Variants in CEP170 observed in about 807,000 individuals in gnomAD.
The protein encoded by CEP170 is centrosomal protein 170, also known as centrosomal protein of 170 kDa.
In CEP170, 21 loss-of-function variants were observed where a neutral mutation model predicts 151.9. The ratio of observed to expected loss-of-function variants is 0.14; its 90% CI spans 0.10 to 0.20. The LOEUF (loss-of-function observed/expected upper bound fraction) is 0.20, where lower values mean the gene tolerates loss of function less well. Among genes scored for constraint, CEP170 ranks in the 10% least tolerant of loss-of-function variants. CEP170 has a pLI of 1.00. For missense variants in CEP170, 964 were observed against 1,892.9 expected (o/e 0.51, Z 9.11); for synonymous variants, 356 against 648.8 (o/e 0.55, Z 6.86).
intron 1 of CEP170, among the ~76,000 whole-genome samples, chr1:243,226,214 TAG>T (rs1163239239): frequency 5.9e-4 from 86 of 145,174 alleles, no homozygotes; most frequent in Admixed American, 2.3e-3. Context: ...TATATATCTA[TAG>T]AGAGATAGAC....
intron 1 of CEP170, among the ~76,000 whole-genome samples, chr1:243,242,298 A>G (rs1349229805): frequency 6.6e-6 from 1 of 151,970 alleles, no homozygotes; most frequent in Non-Finnish European, 1.5e-5. Context: ...TGCTCAATAC[A>G]AGCTCCACCT....
In CEP170 at chr1:243,185,651, C is replaced by G. The variant is rs2059894989; in HGVS notation, c.1566+128G>C. 3 of 1,378,818 alleles carry G rather than the reference C, an allele frequency of 2.2e-6. No individual in the cohort carries two copies. The highest frequency in any genetic ancestry group is 2.9e-6 in the Non-Finnish European group (3 of 1,017,706). 85.4% of individuals were successfully genotyped at this position (1,378,818 alleles called of 1,614,324 possible). On this transcript the variant is annotated intron_variant, in intron 10 of 19. Transcript: ENST00000366542. The surrounding 1 kb of genome is among the most constrained non-coding windows in gnomAD (Gnocchi z 4.9). ...TCTTACTGTTAAGTCTTGCAGTTCC[C>G]TAACAAAACCCTAAAATTCACATAC... is the stretch of plus-strand genomic sequence containing the variant.
At chr1:243,159,969 A>C (rs1191936745) in intron 13 of CEP170, among the ~76,000 whole-genome samples, 1 of 152,082 alleles carries the variant, frequency 6.6e-6, no homozygotes, top group East Asian at 1.9e-4. Flanking sequence ...TTGTAGTTTT[A>C]GTAGAGACGG....
rs1184560892 is a variant in CEP170, at chr1:243,166,179, C to T, written c.1844-63G>A. On this transcript the variant is annotated intron_variant, in intron 12 of 19. Transcript: ENST00000366542. ...ACAAATAAAATAAAAATAAAAGGAG[C>T]ATCATACAGTTGTCTGTCAGTATCC... is the stretch of plus-strand genomic sequence containing the variant. 2.6e-6 allele frequency: 4 copies of T among 1,554,020 alleles called. No homozygotes were observed. In the African/African-American group the frequency reaches 5.5e-5, roughly 21 times the overall value.
chr1:243,137,463 T>C (rs2055231418), intron 16 of CEP170, among the ~76,000 whole-genome samples: 1 of 152,140 alleles, frequency 6.6e-6, no homozygotes, highest in Non-Finnish European at 1.5e-5. Flanking sequence ...TCACATAAAT[T>C]TTGGGACTCA....
chr1:243,169,419 C>T (rs1226962497), intron 12 of CEP170: 2 of 845,634 alleles, frequency 2.4e-6, no homozygotes, highest in African/African-American at 1.7e-5. Context: ...CAGCCTTTTA[C>T]TTATAAAATG....
intron 13 of CEP170, among the ~76,000 whole-genome samples, chr1:243,159,479 C>G (rs1310536517): frequency 6.6e-6 from 1 of 152,190 alleles, no homozygotes; most frequent in Admixed American, 6.5e-5. Flanking sequence ...GCTACCTAAC[C>G]TTTTTTCTTC....
intron 7 of CEP170, among the ~76,000 whole-genome samples, chr1:243,195,443 T>C (rs1247381451): frequency 1.3e-5 from 2 of 151,978 alleles, no homozygotes; most frequent in Non-Finnish European, 2.9e-5. Flanking sequence ...AAGTAAGTAT[T>C]TGCTTAAACC....
Position 243,185,744 on chromosome 1 carries a change from A to G in CEP170, c.1566+35T>C, listed in dbSNP as rs1235749747. On this transcript the variant is annotated intron_variant, in intron 10 of 19. Coordinates refer to ENST00000366542, the MANE Select transcript of CEP170 (RefSeq NM_014812.3). This position sits in a 1 kb window ranked among gnomAD's most constrained non-coding sequence, Gnocchi z 4.9. ...TTCCACCAGTCAAATACACCACACA[A>G]CAACTAAGATCACACTCAAATTTCA... The G allele has an allele frequency of 6.5e-7, 1 of 1,549,718 alleles. No homozygotes were observed. The highest frequency in any genetic ancestry group is 1.3e-5 in the South Asian group (1 of 78,422).
At chr1:243,144,248 C>T (rs879181180) in intron 14 of CEP170, among the ~76,000 whole-genome samples, 1 of 152,190 alleles carries the variant, frequency 6.6e-6, no homozygotes, top group Admixed American at 6.5e-5. Flanking sequence ...TTAATTCCCA[C>T]AACCACTCTG....
intron 12 of CEP170, chr1:243,168,328 T>A (rs2058588520): frequency 6.6e-6 from 1 of 152,012 alleles, no homozygotes; most frequent in African/African-American, 2.4e-5. Flanking sequence ...CAAATTTCCA[T>A]TTTCAACCGG....
intron 1 of CEP170, among the ~76,000 whole-genome samples, chr1:243,229,920 A>G (rs2063580075): frequency 6.6e-6 from 1 of 152,240 alleles, no homozygotes; most frequent in South Asian, 2.1e-4. Context: ...CATTATAACA[A>G]AAACTACACA....
chr1:243,196,694 T>C (rs1253137180), intron 7 of CEP170, among the ~76,000 whole-genome samples: 2 of 152,114 alleles, frequency 1.3e-5, no homozygotes, highest in East Asian at 3.8e-4. Flanking sequence ...AATTGGTAAA[T>C]CTTTCCCCCT....
At chr1:243,203,201 T>C (rs866307017) in intron 4 of CEP170, among the ~76,000 whole-genome samples, 2 of 152,174 alleles carry the variant, frequency 1.3e-5, no homozygotes, top group Non-Finnish European at 2.9e-5. Flanking sequence ...GTAGCTATTT[T>C]TAACTTGCTA....
At chr1:243,239,792 C>A (rs968553190) in intron 1 of CEP170, among the ~76,000 whole-genome samples, 2 of 152,154 alleles carry the variant, frequency 1.3e-5, no homozygotes, top group African/African-American at 2.4e-5. Flanking sequence ...AAAATATATT[C>A]ATTTTTGTCT....
chr1:243,229,395 C>T (rs142236201), intron 1 of CEP170, among the ~76,000 whole-genome samples: 18 of 151,730 alleles, frequency 1.2e-4, no homozygotes, highest in Middle Eastern at 3.2e-3. Flanking sequence ...CATTACGTTT[C>T]GGCATTTCAG....
At chr1:243,249,972 G>A (rs916047065) in intron 1 of CEP170, among the ~76,000 whole-genome samples, 16 of 152,188 alleles carry the variant, frequency 1.1e-4, no homozygotes, top group Admixed American at 7.9e-4. Flanking sequence ...TCGGGAGGCC[G>A]AGGCAGGGGA....
intron 7 of CEP170, 92 bp from the exon 8 acceptor site, chr1:243,191,586 A>C: frequency 1.0e-6 from 1 of 974,360 alleles, no homozygotes; most frequent in South Asian, 1.7e-5. Context: ...ACTCCGTGAG[A>C]ACCAGAAGGC....
chr1:243,253,655 T>G (rs936885513), intron 1 of CEP170, among the ~76,000 whole-genome samples: 4 of 152,194 alleles, frequency 2.6e-5, no homozygotes, highest in African/African-American at 9.7e-5. Context: ...CAGTTAGGGT[T>G]ATACCAGTGA....
Sources: gnomAD v4.1 joint callset for allele counts (sites outside exome capture counted in the v4.1 genomes callset) on GRCh38, gnomAD v4.1.1 for gene constraint, Gnocchi (gnomAD v3.1) non-coding constraint, MANE v1.5 for transcripts, NCBI Gene and HGNC (gene_info 2026-07-23, HGNC 2026-07-21) for gene names.